Variants in KIF13B observed in about 807,000 individuals in gnomAD.
The protein encoded by KIF13B is kinesin-like protein KIF13B.
In KIF13B, 127 loss-of-function variants were observed where a neutral mutation model predicts 222.0. The ratio of observed to expected loss-of-function variants is 0.57; its 90% CI spans 0.50 to 0.66. The LOEUF is 0.66. Among genes scored for constraint, KIF13B ranks in the 30% least tolerant of loss-of-function variants. The pLI, the probability that KIF13B is intolerant of heterozygous loss-of-function variation, is 0.00. For synonymous variants in KIF13B, 976 were observed against 919.0 expected (o/e 1.06, Z -1.12); for missense variants, 2,173 against 2,379.0 (o/e 0.91, Z 1.80).
Position 29,148,741 on chromosome 8 carries a change from T to G in KIF13B, c.1649A>C (p.Lys550Thr). 6.3e-7 allele frequency: 1 copy of G among 1,597,790 alleles called. No homozygotes were observed. Among genetic ancestry groups the G allele is most frequent in the Non-Finnish European group, 8.5e-7 (1 of 1,173,344 alleles). ...FRLNLPKKKKKAEREDEDQDP... is the reference protein window; with the variant it reads ...FRLNLPKKKKTAEREDEDQDP... ...CTGGTCCTCATCCTCTCGTTCTGCT[T>G]TCTTTTTCTTTTTAGGCAAATTGAG... The change falls in exon 16 of 40, where the codon AAA becomes ACA. Residue 550 changes from lysine to threonine, a missense_variant. By Grantham distance (78) the Lys-to-Thr change is moderately conservative. Transcript: ENST00000524189.
At position 29,118,878 on chromosome 8, in the gene KIF13B, T is replaced by G. The variant is rs1809726281; in HGVS notation, c.3650A>C (p.His1217Pro). The stretch of plus-strand genomic sequence containing the variant: ...TTAGGCTTTCCTTACCTCCCCATCA[T>G]GCTGCTTCACAATCTGCAATTCAAA... ...EFFELQIVKQ[H>P]DGEVKAEASW... Residue 1217 changes from histidine to proline, a missense_variant, in exon 30 of 40, where the codon CAT becomes CCT. Transcript: ENST00000524189. 6.2e-7 allele frequency: 1 copy of G among 1,613,820 alleles called. No homozygotes were observed. Among genetic ancestry groups the G allele is most frequent in the South Asian group, 1.1e-5 (1 of 91,070 alleles).
intron 3 of KIF13B, among the ~76,000 whole-genome samples, chr8:29,194,325 G>A (rs1813325885): frequency 6.7e-6 from 1 of 149,698 alleles, no homozygotes; most frequent in African/African-American, 2.5e-5. Context: ...TTCTTTTAGG[G>A]ATTTCTTTAA....
intron 34 of KIF13B, 44 bp downstream of exon 34, chr8:29,109,390 G>A: frequency 1.4e-6 from 2 of 1,430,646 alleles, no homozygotes; most frequent in Non-Finnish European, 2.0e-6. Flanking sequence ...GAGGAGAGGA[G>A]AGAAGTCCCA....
At chr8:29,234,261 A>C (rs911041838) in intron 2 of KIF13B, among the ~76,000 whole-genome samples, 5 of 152,142 alleles carry the variant, frequency 3.3e-5, no homozygotes, top group African/African-American at 1.2e-4. Context: ...AGGTAGAAGC[A>C]ACCCAAGTGT....
intron 2 of KIF13B, among the ~76,000 whole-genome samples, chr8:29,200,892 G>A (rs184821730): frequency 6.6e-5 from 10 of 152,196 alleles, no homozygotes; most frequent in African/African-American, 9.6e-5. Context: ...GTCACATTGC[G>A]CCCTCCTTGG....
intron 23 of KIF13B, among the ~76,000 whole-genome samples, chr8:29,131,775 A>G (rs1810355486): frequency 6.6e-6 from 1 of 152,216 alleles, no homozygotes; most frequent in Non-Finnish European, 1.5e-5. Context: ...TTTCTTCTTA[A>G]TCAGCTACAA....
intron 2 of KIF13B, among the ~76,000 whole-genome samples, chr8:29,216,962 A>G (rs984122696): frequency 2.0e-5 from 3 of 149,398 alleles, no homozygotes; most frequent in Admixed American, 6.7e-5. Flanking sequence ...ATTCAGTCCA[A>G]AAAAAAAAAA....
intron 37 of KIF13B, among the ~76,000 whole-genome samples, chr8:29,087,595 A>C (rs144353024): frequency 1.0e-3 from 156 of 152,324 alleles, no homozygotes; most frequent in African/African-American, 3.7e-3. Context: ...ATGAGCTAAC[A>C]CCTTTCAAAA....
At chr8:29,087,640 G>C (rs1321096140) in intron 37 of KIF13B, among the ~76,000 whole-genome samples, 1 of 152,178 alleles carries the variant, frequency 6.6e-6, no homozygotes, top group Non-Finnish European at 1.5e-5. Flanking sequence ...ACGCTGCGTC[G>C]GTAGAGGCCA....
Position 29,069,461 on chromosome 8 carries a change from C to G in KIF13B, c.*1043G>C, listed in dbSNP as rs187884653. 10 of 152,406 alleles carry G rather than the reference C, an allele frequency of 6.6e-5. No homozygotes were observed. The highest frequency in any genetic ancestry group is 3.9e-4 in the Admixed American group (6 of 15,292). 9.4% of individuals were successfully genotyped at this position (152,406 alleles called of 1,614,324 possible). On this transcript the variant is annotated 3_prime_UTR_variant, in exon 40 of 40. Coordinates refer to ENST00000524189, the MANE Select transcript of KIF13B (RefSeq NM_015254.4). ...ACCTTCCTAGAAACCAAAAGTGCAC[C>G]AAATAAAGTAGCAATGCCTCTTCCT...
chr8:29,176,706 G>A (rs1477113826), intron 9 of KIF13B, among the ~76,000 whole-genome samples: 5 of 152,062 alleles, frequency 3.3e-5, no homozygotes, highest in Admixed American at 2.6e-4. Flanking sequence ...ATATTACTTC[G>A]TATTATTCGT....
At chr8:29,118,400 C>A (rs1353480160) in intron 30 of KIF13B, among the ~76,000 whole-genome samples, 1 of 151,878 alleles carries the variant, frequency 6.6e-6, no homozygotes, top group Non-Finnish European at 1.5e-5. Context: ...GAGGCTGAGG[C>A]AGGAGAATCA....
At chr8:29,202,829 C>T (rs996740815) in intron 2 of KIF13B, among the ~76,000 whole-genome samples, 8 of 151,996 alleles carry the variant, frequency 5.3e-5, no homozygotes, top group African/African-American at 1.5e-4. Flanking sequence ...GAGGCTCAGG[C>T]GTCATCTCCC....
At chr8:29,244,705 C>A (rs1353331346) in intron 2 of KIF13B, among the ~76,000 whole-genome samples, 1 of 152,138 alleles carries the variant, frequency 6.6e-6, no homozygotes, top group Non-Finnish European at 1.5e-5. Context: ...TAAGAAAACC[C>A]AAAATAATCT....
At chr8:29,149,046 C>T (rs1043086785) in intron 15 of KIF13B, among the ~76,000 whole-genome samples, 3 of 151,978 alleles carry the variant, frequency 2.0e-5, no homozygotes, top group South Asian at 2.1e-4. Flanking sequence ...AAGGAAGGTG[C>T]GACAGGAGGA....
chr8:29,081,473 T>C (rs1007446835), intron 37 of KIF13B, among the ~76,000 whole-genome samples: 2 of 152,230 alleles, frequency 1.3e-5, no homozygotes. Flanking sequence ...TTTTCAACCA[T>C]AAATTTTATG....
chr8:29,092,945 T>A (rs1235898119), intron 36 of KIF13B, 67 bp from the exon 37 acceptor site: 1 of 1,380,900 alleles, frequency 7.2e-7, no homozygotes, highest in Non-Finnish European at 9.7e-7. Flanking sequence ...TTCCTGTACA[T>A]TTGACAGACA....
At chr8:29,188,232 T>C (rs546510234) in intron 5 of KIF13B, among the ~76,000 whole-genome samples, 13 of 152,348 alleles carry the variant, frequency 8.5e-5, no homozygotes, top group South Asian at 6.2e-4. Flanking sequence ...GCATGATCTA[T>C]AGGCATGGCT....
Position 29,072,279 on chromosome 8 carries a change from G to C in KIF13B, c.4559C>G (p.Thr1520Arg). 1 of 1,466,990 alleles carries C rather than the reference G, an allele frequency of 6.8e-7. No individual in the cohort carries two copies. Among genetic ancestry groups the C allele is most frequent in the East Asian group, 2.7e-5 (1 of 36,698 alleles). The allele number at this position is 1,466,990 out of a possible 1,614,324, so 90.9% of individuals were successfully genotyped here. The change falls in exon 39 of 40, where the codon ACG (threonine) becomes AGG (arginine). Residue 1520 changes from threonine to arginine, a missense_variant. Physicochemically the swap from Thr to Arg is moderately conservative, Grantham distance 71. Coordinates refer to ENST00000524189, the MANE Select transcript of KIF13B (RefSeq NM_015254.4). ...PEMGPDVLVQTMGAPALKICD... is the reference protein window; with the variant it reads ...PEMGPDVLVQRMGAPALKICD... ...GATCTTCAAGGCCGGGGCCCCCATC[G>C]TCTGCACCAGCACGTCAGGGCCCAT...
Sources: gnomAD v4.1 joint callset for allele counts (sites outside exome capture counted in the v4.1 genomes callset) on GRCh38, gnomAD v4.1.1 for gene constraint, MANE v1.5 for transcripts, NCBI Gene and HGNC (gene_info 2026-07-23, HGNC 2026-07-21) for gene names.